Variants in NAA38 observed in about 807,000 individuals in gnomAD.
The protein encoded by NAA38 is LSM domain containing 1.
A neutral mutation model predicts 12.6 loss-of-function variants in NAA38; 15 were observed. The ratio of observed to expected loss-of-function variants is 1.19; its 90% CI spans 0.79 to 1.83. NAA38 has a LOEUF of 1.83. NAA38 is among the 40% of genes most tolerant of loss of function. NAA38 has a pLI of 0.00. For synonymous variants in NAA38, 88 were observed against 69.9 expected, an observed-to-expected ratio of 1.26 and a Z score of -1.29; for missense variants, 183 against 171.7, an observed-to-expected ratio of 1.07 and a Z score of -0.37.
chr17:7,877,448 ATTTTTCTTTTTTC>A (rs1250518945), intron 2 of NAA38, among the ~76,000 whole-genome samples: 1 of 140,036 alleles, frequency 7.1e-6, no homozygotes, highest in Non-Finnish European at 1.5e-5. Flanking sequence ...GAAGTAACTC[ATTTTTCTTTTTTC>A]TTTTTCTTTT....
Position 7,857,328 on chromosome 17 carries a change from C to A in NAA38, c.81+55G>T, listed in dbSNP as rs375927358. 5.4e-5 allele frequency: 87 copies of A among 1,613,074 alleles called. No homozygotes were observed. The highest frequency in any genetic ancestry group is 6.9e-5 in the Non-Finnish European group (81 of 1,179,924). On this transcript the variant is annotated intron_variant, in intron 1 of 2. Transcript: ENST00000575771. ...TGCCGGGAGCTGCAGTTCCCCACCC[C>A]CTCCATCTTGCTGCTTGACTGCCCC...
chr17:7,858,933 C>T, upstream of NAA38: 1 of 1,055,824 alleles, frequency 9.5e-7, no homozygotes, highest in Non-Finnish European at 1.3e-6. Flanking sequence ...AGTGTATTTT[C>T]TGTCCTTTAC....
Position 7,866,592 on chromosome 17 carries a change from T to G in NAA38, c.-65-34A>C. On this transcript the variant is annotated intron_variant, in intron 2 of 4. Transcript: ENST00000576861. ...CCCCCCAAGCTTTGCATCAGAGCCT[T>G]CCTACATGCTGTTCCTCTGTGTGGA... The G allele has an allele frequency of 1.9e-6, 2 of 1,045,516 alleles. 1 individual carries two copies. The highest frequency in any genetic ancestry group is 9.7e-5 in the South Asian group (2 of 20,674). 64.8% of individuals were successfully genotyped at this position (1,045,516 alleles called of 1,614,324 possible). A position where few individuals can be genotyped will look rare whatever the true frequency, so the allele number is the denominator to read the frequency against.
intron 2 of NAA38, among the ~76,000 whole-genome samples, chr17:7,868,223 G>A (rs988140955): frequency 2.0e-5 from 3 of 152,186 alleles, no homozygotes; most frequent in Non-Finnish European, 4.4e-5. Context: ...GAGGGTGAAA[G>A]AGGCCAAGCA....
rs551985192 is a variant in NAA38, at chr17:7,866,388, G to A, written c.3+103C>T. 182 of 905,190 alleles carry A rather than the reference G, an allele frequency of 2.0e-4. 1 individual carries two copies. The African/African-American group carries it at 2.9e-3, about 14-fold the overall frequency. The allele number at this position is 905,190 out of a possible 1,614,324, so 56.1% of individuals were successfully genotyped here. On this transcript the variant is annotated intron_variant, in intron 3 of 4. Coordinates refer to the NAA38 transcript ENST00000576861. ...CTCCCAGAGTGCTGGAATTACAGGTGTGAGCCATTGCGCCCGGCCGCCACG... is the reference window on the plus strand; with the variant it reads ...CTCCCAGAGTGCTGGAATTACAGGTATGAGCCATTGCGCCCGGCCGCCACG...
At chr17:7,860,132 T>TAC (rs1176867279), upstream of NAA38, 1 of 158,128 alleles carries the variant, frequency 6.3e-6, no homozygotes, top group African/African-American at 2.4e-5. Context: ...TTATACTAGG[T>TAC]ACTTCATATA....
chr17:7,874,078 G>C (rs1967132767), intron 2 of NAA38, among the ~76,000 whole-genome samples: 1 of 152,246 alleles, frequency 6.6e-6, no homozygotes, highest in Admixed American at 6.5e-5. Flanking sequence ...TAAGAAGAGG[G>C]CACCAAGACA....
At chr17:7,858,977 T>C (rs973170029), upstream of NAA38, 3 of 679,330 alleles carry the variant, frequency 4.4e-6, no homozygotes, top group Non-Finnish European at 4.7e-6. Flanking sequence ...AGCACCTAGG[T>C]CCCCAGGGTT....
chr17:7,858,492 G>A (rs2078852939), upstream of NAA38: 1 of 1,614,176 alleles, frequency 6.2e-7, no homozygotes, highest in East Asian at 2.2e-5. Context: ...GAGTTATGCT[G>A]GAACCTGGGA....
At chr17:7,858,552 T>G, upstream of NAA38, 1 of 1,612,768 alleles carries the variant, frequency 6.2e-7, no homozygotes, top group Non-Finnish European at 8.5e-7. Flanking sequence ...AGGCGGAGGC[T>G]AGCCAGAGCC....
upstream of NAA38, chr17:7,858,215 A>T: frequency 6.2e-7 from 1 of 1,613,960 alleles, no homozygotes; most frequent in East Asian, 2.2e-5. Flanking sequence ...AGGTGGCCCA[A>T]CATAACAGGC....
At position 7,857,440 on chromosome 17, in the gene NAA38, C is replaced by T. The variant is rs766268302; in HGVS notation, c.24G>A (p.Met8Ile). MAGAGPT[M>I]LLREENGCCS... ...AACAGCCATTCTCTTCTCGTAGCAGCATGGTCGGTCCAGCTCCGGCCATTT... is the reference window on the plus strand; with the variant it reads ...AACAGCCATTCTCTTCTCGTAGCAGTATGGTCGGTCCAGCTCCGGCCATTT... The change falls in exon 1 of 3, where the codon ATG becomes ATA. Residue 8 changes from methionine to isoleucine, a missense_variant. Coordinates refer to ENST00000575771, the MANE Select transcript of NAA38 (RefSeq NM_001320925.4). 3 of 1,580,304 alleles carry T rather than the reference C, an allele frequency of 1.9e-6. No homozygotes were observed. The highest frequency in any genetic ancestry group is 2.6e-6 in the Non-Finnish European group (3 of 1,164,524).
upstream of NAA38, chr17:7,861,664 C>T (rs913580239): frequency 6.6e-6 from 1 of 152,190 alleles, no homozygotes; most frequent in Non-Finnish European, 1.5e-5. Context: ...TAATCTGTCT[C>T]CTAAATATCT....
chr17:7,858,324 AGTGT>A (rs751775558), upstream of NAA38: 67 of 1,611,902 alleles, frequency 4.2e-5, no homozygotes, highest in South Asian at 7.7e-5. Context: ...CCGGGGCCGG[AGTGT>A]GTGTGTGTGC....
rs1208021377 is a variant in NAA38, at chr17:7,870,719, T to TA, written c.-65-4162dup. On this transcript the variant is annotated intron_variant, in intron 2 of 4. Coordinates refer to the NAA38 transcript ENST00000576861. Reference sequence around the variant, plus strand: ...CAACATGGTGAAACCCGGTCTCTACTAAAAAAAATACACAAAAATTAGCCC... The same window carrying TA: ...CAACATGGTGAAACCCGGTCTCTACTAAAAAAAAATACACAAAAATTAGCCC... Among the ~76,000 whole-genome samples the TA allele has an allele frequency of 4.0e-5, 6 of 151,096 alleles. 1 individual carries two copies. Among genetic ancestry groups the TA allele is most frequent in the East Asian group, 3.9e-4 (2 of 5,148 alleles).
rs186309202 is a variant in NAA38 at position 7,880,666 on chromosome 17, T to C, written c.-66+2569A>G. ...AGGGCAGTCCTCTACCTACTCTGTGTGCATGTAAGCTCAGCTTACTGTTAC... is the reference window on the plus strand; with the variant it reads ...AGGGCAGTCCTCTACCTACTCTGTGCGCATGTAAGCTCAGCTTACTGTTAC... On this transcript the variant is annotated intron_variant, in intron 2 of 4. Transcript: ENST00000576861. Among the ~76,000 whole-genome samples the C allele has an allele frequency of 3.1e-3, 478 of 152,052 alleles. 2 individuals carry two copies. Among genetic ancestry groups the C allele is most frequent in the African/African-American group, 0.011 (450 of 41,560 alleles).
At chr17:7,872,422 T>G (rs1967102083) in intron 2 of NAA38, among the ~76,000 whole-genome samples, 1 of 152,260 alleles carries the variant, frequency 6.6e-6, no homozygotes, top group Non-Finnish European at 1.5e-5. Context: ...CAGGCTGGAG[T>G]GCAGTGGCAC....
chr17:7,884,996 C>T lies in NAA38; in HGVS notation c.-167+169G>A. The T allele has an allele frequency of 2.4e-6, 3 of 1,238,868 alleles. No individual in the cohort carries two copies. Among genetic ancestry groups the T allele is most frequent in the Non-Finnish European group, 3.0e-6 (3 of 990,054 alleles). 76.7% of individuals were successfully genotyped at this position (1,238,868 alleles called of 1,614,324 possible). On this transcript the variant is annotated intron_variant, in intron 1 of 4. Transcript: ENST00000576861. ...GCCGGGCCACGACCGGGGCCGCGACCGCCACAGCCCCCCCGGCTGCCACCT... is the reference window on the plus strand; with the variant it reads ...GCCGGGCCACGACCGGGGCCGCGACTGCCACAGCCCCCCCGGCTGCCACCT...
chr17:7,861,525 A>C (rs2078883085), upstream of NAA38: 1 of 152,228 alleles, frequency 6.6e-6, no homozygotes, highest in African/African-American at 2.4e-5. Flanking sequence ...TGCAAGCCTC[A>C]GGGCCTGTCC....
Sources: allele counts gnomAD v4.1 joint callset (sites outside exome capture counted in the v4.1 genomes callset), GRCh38; gene constraint gnomAD v4.1.1; transcripts MANE v1.5; gene names NCBI Gene and HGNC (gene_info 2026-07-23, HGNC 2026-07-21).